ADK: variants seen among roughly 807,000 people sequenced by gnomAD.
ADK encodes N6,N6-dimethyladenosine kinase.
A neutral mutation model predicts 44.7 loss-of-function variants in ADK; 24 were observed. The observed-to-expected ratio is 0.54, with a 90% CI of 0.39 to 0.76. The LOEUF (loss-of-function observed/expected upper bound fraction) is 0.76. Among genes scored for constraint, ADK ranks in the 30% least tolerant of loss-of-function variants. The pLI, the probability that ADK is intolerant of heterozygous loss-of-function variation, is 0.00. For synonymous variants in ADK, 128 were observed against 142.6 expected (o/e 0.90, Z 0.73); for missense variants, 321 against 425.1 (o/e 0.76, Z 2.15).
intron 7 of ADK, among the ~76,000 whole-genome samples, chr10:74,554,948 A>G (rs1185360115): frequency 6.6e-6 from 1 of 152,228 alleles, no homozygotes; most frequent in Non-Finnish European, 1.5e-5. Context: ...AGTTAATATG[A>G]CTACAGGTTT....
At chr10:74,323,503 AGT>A (rs1840888304) in intron 4 of ADK, among the ~76,000 whole-genome samples, 1 of 152,116 alleles carries the variant, frequency 6.6e-6, no homozygotes, top group African/African-American at 2.4e-5. Context: ...TGTGGCTTTT[AGT>A]GTGTTCACAG....
intron 4 of ADK, among the ~76,000 whole-genome samples, chr10:74,392,897 G>A (rs11001027): frequency 0.13 from 19,520 of 151,840 alleles, 1,317 homozygotes; most frequent in Middle Eastern, 0.17. Flanking sequence ...TGTTTTGCTG[G>A]GATTTTTGAA....
intron 4 of ADK, among the ~76,000 whole-genome samples, chr10:74,320,462 T>G (rs546505295): frequency 2.6e-5 from 4 of 152,192 alleles, no homozygotes; most frequent in Non-Finnish European, 5.9e-5. Context: ...TTTATCATGT[T>G]TAGAGCTTAT....
At chr10:74,198,484 T>G (rs1484863525) in intron 1 of ADK, among the ~76,000 whole-genome samples, 2 of 152,220 alleles carry the variant, frequency 1.3e-5, no homozygotes, top group African/African-American at 4.8e-5. Context: ...TACCTCATTC[T>G]CTTAAAGAAA....
chr10:74,312,942 T>TAAAAAAAAAAAAAAAA (rs1554841587), intron 3 of ADK, among the ~76,000 whole-genome samples: 1 of 53,360 alleles, frequency 1.9e-5, no homozygotes, highest in African/African-American at 5.4e-5. Flanking sequence ...AAAAAAAAAG[T>TAAAAAAAAAAAAAAAA]TAATGTTTTT....
chr10:74,530,986 G>A (rs890932179), intron 7 of ADK, among the ~76,000 whole-genome samples: 5 of 152,194 alleles, frequency 3.3e-5, no homozygotes, highest in South Asian at 2.1e-4. Flanking sequence ...AGTTGGAGCC[G>A]GAAGTTCAAG....
At chr10:74,470,127 C>T (rs1184072186) in intron 6 of ADK, among the ~76,000 whole-genome samples, 1 of 150,596 alleles carries the variant, frequency 6.6e-6, no homozygotes, top group Non-Finnish European at 1.5e-5. Context: ...TGGATTTGAG[C>T]AATTCTCCTG....
chr10:74,442,063 G>A (rs1371325858), intron 6 of ADK, among the ~76,000 whole-genome samples: 3 of 151,972 alleles, frequency 2.0e-5, no homozygotes. Context: ...TGAGATAGGA[G>A]GATCAGTTGA....
intron 10 of ADK, among the ~76,000 whole-genome samples, chr10:74,685,287 T>A (rs1204867183): frequency 6.6e-6 from 1 of 152,264 alleles, no homozygotes; most frequent in Non-Finnish European, 1.5e-5. Context: ...TATGGTAAAC[T>A]TTTTATGTCT....
In ADK at chr10:74,221,683, A is replaced by G. The variant is rs538217030; in HGVS notation, c.141-2855A>G. On this transcript the variant is annotated intron_variant, in intron 2 of 10. Coordinates refer to ENST00000539909, the MANE Select transcript of ADK (RefSeq NM_006721.4). ...GGTACCAAAACAGAGATATAGATCA[A>G]TGGAACAGAACAGAGCCCTCAGAAA... Among the ~76,000 whole-genome samples, 7 of 146,926 alleles carry G rather than the reference A, an allele frequency of 4.8e-5. No homozygotes were observed. In the South Asian group the frequency reaches 6.6e-4, roughly 14 times the overall value.
At chr10:74,452,950 T>G (rs908957017) in intron 6 of ADK, among the ~76,000 whole-genome samples, 6 of 152,046 alleles carry the variant, frequency 3.9e-5, no homozygotes, top group Non-Finnish European at 8.8e-5. Flanking sequence ...TTATATAAGC[T>G]CCACACTTTA....
intron 2 of ADK, among the ~76,000 whole-genome samples, chr10:74,220,565 C>A (rs1435698439): frequency 2.2e-4 from 34 of 151,914 alleles, no homozygotes; most frequent in African/African-American, 7.7e-4. Context: ...GAGACACAAC[C>A]AAAAAAGAGA....
At chr10:74,381,775 G>C (rs548051305) in intron 4 of ADK, among the ~76,000 whole-genome samples, 5 of 152,310 alleles carry the variant, frequency 3.3e-5, no homozygotes, top group African/African-American at 1.2e-4. Flanking sequence ...ACACCTTGAA[G>C]GAAGGGGTAA....
intron 4 of ADK, among the ~76,000 whole-genome samples, chr10:74,347,604 G>T (rs1331503101): frequency 1.3e-5 from 2 of 152,058 alleles, no homozygotes; most frequent in African/African-American, 2.4e-5. Flanking sequence ...CTGAAGCCAG[G>T]GAGCCACGTG....
At chr10:74,566,951 C>T (rs1589254328) in intron 7 of ADK, among the ~76,000 whole-genome samples, 1 of 152,146 alleles carries the variant, frequency 6.6e-6, no homozygotes, top group African/African-American at 2.4e-5. Context: ...TTTTGCTTAA[C>T]GAGACCTCCT....
At chr10:74,665,684 A>G (rs943169086) in intron 9 of ADK, among the ~76,000 whole-genome samples, 2 of 151,588 alleles carry the variant, frequency 1.3e-5, no homozygotes, top group African/African-American at 2.4e-5. Flanking sequence ...ACAGTGAACC[A>G]TGATCACACC....
At chr10:74,634,519 T>A (rs531786581) in intron 9 of ADK, among the ~76,000 whole-genome samples, 1 of 152,234 alleles carries the variant, frequency 6.6e-6, no homozygotes, top group East Asian at 1.9e-4. Flanking sequence ...GGCTGGCATT[T>A]TTTTCTTAAA....
At chr10:74,563,941 G>A (rs1045691839) in intron 7 of ADK, among the ~76,000 whole-genome samples, 2 of 151,942 alleles carry the variant, frequency 1.3e-5, no homozygotes, top group African/African-American at 4.8e-5. Context: ...TGTGCACAAT[G>A]TGCAGGTTAG....
intron 2 of ADK, among the ~76,000 whole-genome samples, chr10:74,215,839 G>A (rs1488854655): frequency 6.7e-6 from 1 of 148,938 alleles, no homozygotes; most frequent in Non-Finnish European, 1.5e-5. Flanking sequence ...ATTTTTTTTA[G>A]TAGAGACGGG....
Sources: gnomAD v4.1 joint callset for allele counts (sites outside exome capture counted in the v4.1 genomes callset) on GRCh38, gnomAD v4.1.1 for gene constraint, MANE v1.5 for transcripts, NCBI Gene and HGNC (gene_info 2026-07-23, HGNC 2026-07-21) for gene names.